SMC6: variants seen among roughly 807,000 people sequenced by gnomAD.
The protein encoded by SMC6 is structural maintenance of chromosomes protein 6.
In SMC6, 79 loss-of-function variants were observed where a neutral mutation model predicts 142.2. That is an observed-to-expected ratio of 0.56 (90% CI 0.46 to 0.67). The LOEUF is 0.67. Ranked by LOEUF, SMC6 falls within the 30% of genes least tolerant of loss-of-function variation. SMC6 has a pLI of 0.00. For missense variants in SMC6, 1,072 were observed against 1,284.0 expected (o/e 0.83, Z 2.52); for synonymous variants, 411 against 412.4 (o/e 1.00, Z 0.04).
intron 4 of SMC6, among the ~76,000 whole-genome samples, chr2:17,739,839 C>CAG (rs1553321187): frequency 5.0e-5 from 5 of 100,112 alleles, no homozygotes; most frequent in Non-Finnish European, 1.1e-4. Context: ...CACACACACA[C>CAG]ACACAGACAC....
intron 15 of SMC6, 34 bp downstream of exon 15, chr2:17,716,052 G>A (rs1669068640): frequency 4.2e-6 from 6 of 1,423,850 alleles, no homozygotes; most frequent in Non-Finnish European, 5.5e-6. Context: ...TATTTCTAAA[G>A]TTTATTATAA....
At chr2:17,673,500 T>A (rs1305488685) in intron 25 of SMC6, among the ~76,000 whole-genome samples, 1 of 152,052 alleles carries the variant, frequency 6.6e-6, no homozygotes, top group East Asian at 1.9e-4. Context: ...AACTTCTAAA[T>A]TACTTTTTGT....
intron 4 of SMC6, among the ~76,000 whole-genome samples, chr2:17,739,845 G>C (rs57847701): frequency 0.02 from 2,198 of 110,072 alleles, 46 homozygotes; most frequent in African/African-American, 0.041. Flanking sequence ...CACACACACA[G>C]ACACACACAC....
chr2:17,704,131 A>T (rs1421556953), intron 18 of SMC6, among the ~76,000 whole-genome samples: 1 of 152,078 alleles, frequency 6.6e-6, no homozygotes, highest in Admixed American at 6.6e-5. Context: ...AAACTATCAC[A>T]TTAAAATGTG....
intron 21 of SMC6, among the ~76,000 whole-genome samples, chr2:17,700,002 T>G (rs1052308977): frequency 6.6e-6 from 1 of 152,030 alleles, no homozygotes; most frequent in South Asian, 2.1e-4. Context: ...GGAAATTTGG[T>G]GATTTATTCT....
chr2:17,731,324 T>C (rs1051415203), intron 6 of SMC6, among the ~76,000 whole-genome samples, 185 bp from the exon 7 acceptor site: 6 of 152,242 alleles, frequency 3.9e-5, no homozygotes, highest in Admixed American at 3.3e-4. Flanking sequence ...AGTACCCACA[T>C]GCAATAATGG....
chr2:17,684,810 A>C (rs1013360338), intron 23 of SMC6, among the ~76,000 whole-genome samples: 2 of 152,176 alleles, frequency 1.3e-5, no homozygotes, highest in Non-Finnish European at 2.9e-5. Context: ...TGGGTGACAG[A>C]GCAAGAGCCT....
At chr2:17,684,834 AAAACAAAC>A (rs562128326) in intron 23 of SMC6, among the ~76,000 whole-genome samples, 12 of 152,224 alleles carry the variant, frequency 7.9e-5, no homozygotes, top group African/African-American at 2.6e-4. Flanking sequence ...TTAAAGAATA[AAAACAAAC>A]AAACAAACAA....
At position 17,664,354 on chromosome 2, in the gene SMC6, CACAA is replaced by C. The variant is rs763930005; in HGVS notation, c.*1141_*1144del. On this transcript the variant is annotated 3_prime_UTR_variant, in exon 28 of 28. Coordinates refer to ENST00000448223, the MANE Select transcript of SMC6 (RefSeq NM_001142286.2). ...CTTAAACTTCTTCCTCCACCAAAAA[CACAA>C]ACAAAGTCCAGTTTTCCTCAATAAC... is the stretch of plus-strand genomic sequence containing the variant. The C allele has an allele frequency of 1.8e-4, 28 of 152,174 alleles. No homozygotes were observed. Among genetic ancestry groups the C allele is most frequent in the Admixed American group, 3.3e-4 (5 of 15,276 alleles). 9.4% of individuals were successfully genotyped at this position (152,174 alleles called of 1,614,324 possible). A position where few individuals can be genotyped will look rare whatever the true frequency, so the allele number is the denominator to read the frequency against.
At chr2:17,751,425 T>C (rs13431211) in intron 2 of SMC6, among the ~76,000 whole-genome samples, 5,431 of 145,900 alleles carry the variant, frequency 0.037, 287 homozygotes, top group African/African-American at 0.12. Context: ...ATTGCACCAC[T>C]GCACTCCAAC....
In SMC6 at chr2:17,750,776, G is replaced by A. The variant is rs139439019; in HGVS notation, c.-6+2202C>T. Among the ~76,000 whole-genome samples the A allele has an allele frequency of 7.3e-3, 1,116 of 152,104 alleles. 7 individuals carry two copies. The highest frequency in any genetic ancestry group is 0.024 in the Middle Eastern group (7 of 294). On this transcript the variant is annotated intron_variant, in intron 2 of 27. Coordinates refer to ENST00000448223, the MANE Select transcript of SMC6 (RefSeq NM_001142286.2). ...AGTACTTTGGAAGGCCAAGGCAGGC[G>A]GATCACCTGAGGTCAGGAGTTCGAG...
Position 17,665,287 on chromosome 2 carries a change from A to T in SMC6, c.*212T>A, listed in dbSNP as rs906749884. ...AAAAAGATTTAAAACCAATACTATG[A>T]AATTGATTTTCTTAAAGTAATAGTA... On this transcript the variant is annotated 3_prime_UTR_variant, in exon 28 of 28. Transcript: ENST00000448223. The T allele has an allele frequency of 3.9e-5, 14 of 354,658 alleles. No individual in the cohort carries two copies. The highest frequency in any genetic ancestry group is 6.0e-5 in the Non-Finnish European group (12 of 199,306). 22.0% of individuals were successfully genotyped at this position (354,658 alleles called of 1,614,324 possible).
In SMC6 at chr2:17,732,358, A is replaced by T. The variant is rs192125881; in HGVS notation, c.345-481T>A. ...GATTAGAATTAAAAAAGGTAATTTT[A>T]ATTTTTCAATTACTTGGCAATAAAA... On this transcript the variant is annotated intron_variant, in intron 5 of 27. Coordinates refer to ENST00000448223, the MANE Select transcript of SMC6 (RefSeq NM_001142286.2). 7.1e-3 allele frequency among the ~76,000 whole-genome samples: 1,087 copies of T among 152,302 alleles called. 9 individuals carry two copies. The highest frequency in any genetic ancestry group is 0.025 in the African/African-American group (1,021 of 41,556).
At chr2:17,735,906 T>C (rs1670128930) in intron 5 of SMC6, among the ~76,000 whole-genome samples, 1 of 152,058 alleles carries the variant, frequency 6.6e-6, no homozygotes, top group Admixed American at 6.6e-5. Flanking sequence ...GAGTATAATG[T>C]TAGAGATGGG....
chr2:17,675,764 G>C (rs979209024), intron 25 of SMC6, among the ~76,000 whole-genome samples: 12 of 151,874 alleles, frequency 7.9e-5, no homozygotes, highest in African/African-American at 2.9e-4. Context: ...TTTTTCTCTT[G>C]CTACTTACAA....
chr2:17,699,041 T>C (rs1455273204), intron 21 of SMC6, among the ~76,000 whole-genome samples: 1 of 152,136 alleles, frequency 6.6e-6, no homozygotes, highest in African/African-American at 2.4e-5. Context: ...GATATTATAA[T>C]TTTTGCTAGC....
rs1173376679 is a variant in SMC6 at position 17,718,206 on chromosome 2, T to C, written c.963A>G (p.Ala321=). The change falls in exon 12 of 28, where the codon GCA becomes GCG. Residue 321 remains alanine (A), a synonymous_variant. Transcript: ENST00000448223. ...CTTGAATATCCTTGTACTTTTGTTC[T>C]GCCTCATTAAGTCTGACCTTTAAGA... ...MEEQQVRLNE[A]EQKYKDIQDK... 5.0e-6 allele frequency: 8 copies of C among 1,602,508 alleles called. No homozygotes were observed. In the East Asian group the frequency reaches 6.7e-5, roughly 14 times the overall value.
chr2:17,742,919 G>A (rs1377076559), intron 3 of SMC6, among the ~76,000 whole-genome samples: 1 of 152,058 alleles, frequency 6.6e-6, no homozygotes, highest in Non-Finnish European at 1.5e-5. Context: ...GATCCCACAT[G>A]TTGCCCTTTT....
intron 7 of SMC6, among the ~76,000 whole-genome samples, chr2:17,730,679 C>T (rs1183853699): frequency 6.6e-6 from 1 of 151,280 alleles, no homozygotes; most frequent in Non-Finnish European, 1.5e-5. Flanking sequence ...CTTGGCTCAC[C>T]GCAACCTCTG....
Sources: allele counts gnomAD v4.1 joint callset (sites outside exome capture counted in the v4.1 genomes callset), GRCh38; gene constraint gnomAD v4.1.1; transcripts MANE v1.5; gene names NCBI Gene and HGNC (gene_info 2026-07-23, HGNC 2026-07-21).